CDH7: variants seen among roughly 807,000 people sequenced by gnomAD.
CDH7 encodes cadherin-7.
In CDH7, 25 loss-of-function variants were observed where a neutral mutation model predicts 71.8. That is an observed-to-expected ratio of 0.35 (90% CI 0.25 to 0.49). CDH7 has a LOEUF of 0.49. Ranked by LOEUF, CDH7 falls within the 20% of genes least tolerant of loss-of-function variation. The pLI is 0.99. For missense variants in CDH7, 862 were observed against 974.6 expected (o/e 0.88, Z 1.54); for synonymous variants, 381 against 363.8 (o/e 1.05, Z -0.54).
rs577858323 is a variant in CDH7, at chr18:65,855,800, C to T, written c.1236-2016C>T. 1.4e-3 allele frequency among the ~76,000 whole-genome samples: 217 copies of T among 152,200 alleles called. 1 individual carries two copies. Among genetic ancestry groups the T allele is most frequent in the Non-Finnish European group, 1.3e-3 (91 of 68,000 alleles). On this transcript the variant is annotated intron_variant, in intron 7 of 11. Coordinates refer to ENST00000397968, the MANE Select transcript of CDH7 (RefSeq NM_004361.5). ...AGGTAGACACAGCAAGTAAAGAAAACTTTGATCAAGACTTTCATGCAAATA... is the reference window on the plus strand; with the variant it reads ...AGGTAGACACAGCAAGTAAAGAAAATTTTGATCAAGACTTTCATGCAAATA...
chr18:65,786,723 G>C (rs968830590), intron 2 of CDH7, among the ~76,000 whole-genome samples: 3 of 151,224 alleles, frequency 2.0e-5, no homozygotes, highest in African/African-American at 4.9e-5. Context: ...TTGCTTTGTT[G>C]CCCAGGCCGG....
intron 2 of CDH7, among the ~76,000 whole-genome samples, chr18:65,776,607 T>C (rs1406573648): frequency 1.3e-5 from 2 of 152,126 alleles, no homozygotes; most frequent in Non-Finnish European, 2.9e-5. Flanking sequence ...CTCAGTTAAT[T>C]TTCTCTCACT....
chr18:65,852,391 A>G (rs1217874508), intron 7 of CDH7, among the ~76,000 whole-genome samples: 1 of 152,166 alleles, frequency 6.6e-6, no homozygotes, highest in East Asian at 1.9e-4. Flanking sequence ...CACTAATGAC[A>G]TACTAATGAG....
At chr18:65,756,351 T>C (rs1393004835) in intron 1 of CDH7, among the ~76,000 whole-genome samples, 4 of 152,324 alleles carry the variant, frequency 2.6e-5, no homozygotes, top group Middle Eastern at 3.4e-3. Flanking sequence ...CATTATGGAT[T>C]TTTCTGATTC....
At chr18:65,836,271 T>C (rs1486615238) in intron 6 of CDH7, among the ~76,000 whole-genome samples, 2 of 152,120 alleles carry the variant, frequency 1.3e-5, no homozygotes, top group Non-Finnish European at 2.9e-5. Flanking sequence ...AATGGAACAT[T>C]TCTATGGGGG....
At chr18:65,763,997 T>C (rs1205638712) in intron 2 of CDH7, among the ~76,000 whole-genome samples, 1 of 152,106 alleles carries the variant, frequency 6.6e-6, no homozygotes, top group East Asian at 1.9e-4. Context: ...TAGGGTATAT[T>C]AGCACAAAAT....
At chr18:65,870,610 C>T (rs1466443539) in intron 11 of CDH7, among the ~76,000 whole-genome samples, 1 of 152,070 alleles carries the variant, frequency 6.6e-6, no homozygotes, top group Non-Finnish European at 1.5e-5. Context: ...TAGGAGGACC[C>T]ACAATGCGTT....
intron 1 of CDH7, among the ~76,000 whole-genome samples, chr18:65,757,874 C>T (rs960279632): frequency 6.6e-5 from 10 of 151,894 alleles, no homozygotes; most frequent in Non-Finnish European, 8.8e-5. Context: ...GCAGAGTACT[C>T]ATTTTTTTCT....
At chr18:65,764,208 G>A (rs1916286794) in intron 2 of CDH7, among the ~76,000 whole-genome samples, 1 of 150,886 alleles carries the variant, frequency 6.6e-6, no homozygotes, top group African/African-American at 2.4e-5. Flanking sequence ...TATGTTTATT[G>A]ATGAGCATCT....
At chr18:65,821,854 C>T (rs746863682) in intron 4 of CDH7, among the ~76,000 whole-genome samples, 18 of 152,086 alleles carry the variant, frequency 1.2e-4, no homozygotes, top group Non-Finnish European at 2.2e-4. Flanking sequence ...AGATAATCCT[C>T]TTTATTCAGT....
chr18:65,867,449 C>T (rs1913799014), intron 11 of CDH7, among the ~76,000 whole-genome samples: 1 of 152,202 alleles, frequency 6.6e-6, no homozygotes, highest in Non-Finnish European at 1.5e-5. Flanking sequence ...ATTATTCTTC[C>T]ACCAGGCTAA....
At chr18:65,826,160 C>CA (rs1235602258) in intron 6 of CDH7, among the ~76,000 whole-genome samples, 2 of 150,594 alleles carry the variant, frequency 1.3e-5, no homozygotes, top group Non-Finnish European at 3.0e-5. Flanking sequence ...GAAAAAGAGA[C>CA]AAAAAAACCT....
At chr18:65,775,214 G>A (rs1399391036) in intron 2 of CDH7, among the ~76,000 whole-genome samples, 2 of 152,162 alleles carry the variant, frequency 1.3e-5, no homozygotes, top group Non-Finnish European at 2.9e-5. Flanking sequence ...AGTGCATAGA[G>A]AGGAAGTTTA....
At position 65,849,349 on chromosome 18, in the gene CDH7, CTTTTCTTTTCTTTTCTTTTCTTTT is replaced by C. The variant is rs1913051372; in HGVS notation, c.1235+5285_1235+5308del. On this transcript the variant is annotated intron_variant, in intron 7 of 11. Coordinates refer to ENST00000397968, the MANE Select transcript of CDH7 (RefSeq NM_004361.5). ...TATTTTAGCCTTTCCTTTTTCTTTT[CTTTTCTTTTCTTTTCTTTTCTTTT>C]CTTTTCTTTTCTTTTCTTTTCTTTT... Among the ~76,000 whole-genome samples the C allele has an allele frequency of 1.8e-4, 2 of 10,914 alleles. 1 individual carries two copies. Among genetic ancestry groups the C allele is most frequent in the Admixed American group, 2.0e-3 (2 of 978 alleles). The allele number at this position is 10,914 out of a possible 152,430, so 7.2% of individuals were successfully genotyped here.
chr18:65,855,929 T>C (rs971022398), intron 7 of CDH7, among the ~76,000 whole-genome samples: 12 of 151,902 alleles, frequency 7.9e-5, no homozygotes, highest in Non-Finnish European at 1.3e-4. Context: ...GGTTTAATAT[T>C]CAAAAGTTCA....
At position 65,881,108 on chromosome 18, in the gene CDH7, C is replaced by G. The variant is rs1914217721; in HGVS notation, c.*214C>G. On this transcript the variant is annotated 3_prime_UTR_variant, in exon 12 of 12. Coordinates refer to ENST00000397968, the MANE Select transcript of CDH7 (RefSeq NM_004361.5). Reference sequence around the variant, plus strand: ...CTTATCTAAAGGACTGCACTGACCACAGACTCTGAGCATTTGAAGGTTTTT... The same window carrying G: ...CTTATCTAAAGGACTGCACTGACCAGAGACTCTGAGCATTTGAAGGTTTTT... The G allele has an allele frequency of 2.3e-6, 1 of 442,338 alleles. No individual in the cohort carries two copies. Among genetic ancestry groups the G allele is most frequent in the African/African-American group, 2.0e-5 (1 of 49,624 alleles). 27.4% of individuals were successfully genotyped at this position (442,338 alleles called of 1,614,324 possible).
At chr18:65,771,542 A>G (rs990248388) in intron 2 of CDH7, among the ~76,000 whole-genome samples, 1 of 151,896 alleles carries the variant, frequency 6.6e-6, no homozygotes, top group Non-Finnish European at 1.5e-5. Flanking sequence ...ACGTCATTGC[A>G]TGTGCCTGTT....
At chr18:65,827,833 C>T (rs1912188255) in intron 6 of CDH7, among the ~76,000 whole-genome samples, 1 of 151,820 alleles carries the variant, frequency 6.6e-6, no homozygotes, top group Non-Finnish European at 1.5e-5. Flanking sequence ...TGATAGGATG[C>T]ATGGGTGTTA....
rs1912569058 is a variant in CDH7 at position 65,837,423 on chromosome 18, G to C, written c.982-6389G>C. 3.9e-5 allele frequency among the ~76,000 whole-genome samples: 6 copies of C among 152,246 alleles called. No individual in the cohort carries two copies. In the South Asian group the frequency reaches 1.2e-3, roughly 32 times the overall value. On this transcript the variant is annotated intron_variant, in intron 6 of 11. Transcript: ENST00000397968. ...ATGTTCTTGTATCATCATGACAGGG[G>C]ATAGTTTTACAACCTGGAAAAAGGC...
Sources: gnomAD v4.1 joint callset for allele counts (sites outside exome capture counted in the v4.1 genomes callset) on GRCh38, gnomAD v4.1.1 for gene constraint, MANE v1.5 for transcripts, NCBI Gene and HGNC (gene_info 2026-07-23, HGNC 2026-07-21) for gene names.